Variants in SLC4A4 observed in about 807,000 individuals in gnomAD.
The protein encoded by SLC4A4 is solute carrier family 4 member 4.
SLC4A4 carries 27 observed loss-of-function variants against 111.5 expected under a neutral mutation model. That is an observed-to-expected ratio of 0.24 (90% CI 0.18 to 0.33). The LOEUF is 0.33. Among genes scored for constraint, SLC4A4 ranks in the 10% least tolerant of loss-of-function variants. SLC4A4 has a pLI of 1.00. For missense variants in SLC4A4, 909 were observed against 1,315.5 expected (o/e 0.69, Z 4.78); for synonymous variants, 443 against 463.4 (o/e 0.96, Z 0.57).
At chr4:71,400,448 C>G (rs904570547) in intron 7 of SLC4A4, among the ~76,000 whole-genome samples, 4 of 151,998 alleles carry the variant, frequency 2.6e-5, no homozygotes, top group African/African-American at 7.2e-5. Flanking sequence ...TTAGATGAAG[C>G]GAGGAAAATT....
intron 1 of SLC4A4, among the ~76,000 whole-genome samples, chr4:71,091,809 C>G (rs6829135): frequency 0.23 from 34,629 of 152,024 alleles, 3,968 homozygotes; most frequent in South Asian, 0.24. Flanking sequence ...TGCATGTATT[C>G]TGCAAAGCCG....
upstream of SLC4A4, among the ~76,000 whole-genome samples, chr4:71,184,719 T>C (rs1745397521): frequency 6.6e-6 from 1 of 152,050 alleles, no homozygotes; most frequent in African/African-American, 2.4e-5. Context: ...TTAGGAGAGG[T>C]GAACAAAAAT....
intron 3 of SLC4A4, among the ~76,000 whole-genome samples, chr4:71,273,734 T>A (rs867495036): frequency 2.6e-5 from 4 of 151,804 alleles, no homozygotes; most frequent in Admixed American, 6.6e-5. Flanking sequence ...AAAGCATAGA[T>A]AAGTAGTTGA....
At chr4:71,177,662 C>G (rs542381916) in intron 2 of SLC4A4, among the ~76,000 whole-genome samples, 1 of 152,274 alleles carries the variant, frequency 6.6e-6, no homozygotes, top group African/African-American at 2.4e-5. Context: ...AATACAGGAG[C>G]ACCCAGATTC....
intron 2 of SLC4A4, among the ~76,000 whole-genome samples, chr4:71,135,497 T>C (rs1743820684): frequency 6.6e-6 from 1 of 152,098 alleles, no homozygotes; most frequent in Non-Finnish European, 1.5e-5. Flanking sequence ...GATTTTACCA[T>C]GTTGGCCAGG....
chr4:71,568,037 A>G lies in SLC4A4; in HGVS notation c.*286A>G, dbSNP rs531414310. The stretch of plus-strand genomic sequence containing the variant: ...AGCGCTCTCTCTGCTTCTCTCTTGC[A>G]TAGACACAATCAAGACAATAGTGCA... On this transcript the variant is annotated 3_prime_UTR_variant, in exon 26 of 26. Coordinates refer to ENST00000264485, the MANE Select transcript of SLC4A4 (RefSeq NM_001098484.3). 1.3e-4 allele frequency: 78 copies of G among 619,772 alleles called. 1 individual carries two copies. The South Asian group carries it at 1.4e-3, about 11-fold the overall frequency. The allele number at this position is 619,772 out of a possible 1,614,324, so 38.4% of individuals were successfully genotyped here.
At chr4:71,341,195 G>A (rs1728875801) in intron 4 of SLC4A4, among the ~76,000 whole-genome samples, 1 of 152,068 alleles carries the variant, frequency 6.6e-6, no homozygotes, top group Admixed American at 6.5e-5. Context: ...CACTGTTTTA[G>A]GTACCATGAA....
chr4:71,097,907 T>A (rs1742605305), intron 2 of SLC4A4, among the ~76,000 whole-genome samples: 1 of 152,312 alleles, frequency 6.6e-6, no homozygotes, highest in Middle Eastern at 3.4e-3. Flanking sequence ...TTCTTGTAGA[T>A]GCTGGATATT....
chr4:71,212,274 C>A (rs1054077390), intron 1 of SLC4A4, among the ~76,000 whole-genome samples: 1 of 152,274 alleles, frequency 6.6e-6, no homozygotes, highest in Non-Finnish European at 1.5e-5. Flanking sequence ...ATGGGCTGTT[C>A]ACTGAGCTTA....
At chr4:71,440,854 G>T in intron 8 of SLC4A4, 81 bp downstream of exon 8, 1 of 1,488,448 alleles carries the variant, frequency 6.7e-7, no homozygotes. Context: ...TCAATAGAAT[G>T]AGGAAATATT....
chr4:71,196,729 G>A (rs1012585566), intron 1 of SLC4A4, among the ~76,000 whole-genome samples: 1 of 150,366 alleles, frequency 6.7e-6, no homozygotes, highest in African/African-American at 2.4e-5. Context: ...AGCTACTTGG[G>A]AGGCTGAGGC....
chr4:71,343,371 T>C (rs1489665480), intron 4 of SLC4A4, among the ~76,000 whole-genome samples: 3 of 152,216 alleles, frequency 2.0e-5, no homozygotes, highest in Non-Finnish European at 4.4e-5. Context: ...CATTAATATA[T>C]TGATGATATC....
chr4:71,236,190 G>A, intron 1 of SLC4A4: 2 of 1,055,604 alleles, frequency 1.9e-6, no homozygotes, highest in Non-Finnish European at 2.3e-6. Flanking sequence ...TTCCACAAAC[G>A]ATCATCACGA....
chr4:71,409,047 C>T (rs1317998436), intron 7 of SLC4A4, among the ~76,000 whole-genome samples: 11 of 152,218 alleles, frequency 7.2e-5, no homozygotes, highest in Admixed American at 7.2e-4. Flanking sequence ...TAAGAAGTGC[C>T]TTTCACCTCC....
intron 8 of SLC4A4, among the ~76,000 whole-genome samples, chr4:71,443,112 CTCTCTATATATATATATATA>C (rs1422937161): frequency 1.3e-4 from 13 of 97,672 alleles, no homozygotes; most frequent in African/African-American, 5.8e-4. Context: ...CTCTCTCTCT[CTCTCTATATATATATATATA>C]TATATATATA....
chr4:71,449,989 T>A (rs890145296), intron 9 of SLC4A4, among the ~76,000 whole-genome samples: 2 of 152,210 alleles, frequency 1.3e-5, no homozygotes, highest in Non-Finnish European at 2.9e-5. Context: ...AACTTTTCCT[T>A]CTTGAGTTAT....
chr4:71,280,151 G>A (rs555526055), intron 3 of SLC4A4, among the ~76,000 whole-genome samples: 12 of 152,242 alleles, frequency 7.9e-5, no homozygotes, highest in African/African-American at 2.6e-4. Flanking sequence ...GTCTTATATT[G>A]CATTTCCCTG....
chr4:71,106,920 T>TATA (rs1742943837), intron 2 of SLC4A4, among the ~76,000 whole-genome samples: 1 of 146,304 alleles, frequency 6.8e-6, no homozygotes, highest in South Asian at 2.2e-4. Flanking sequence ...ACTTAAAGTA[T>TATA]AATAAAAATA....
chr4:71,124,461 T>C (rs1743512667), intron 2 of SLC4A4, among the ~76,000 whole-genome samples: 1 of 152,004 alleles, frequency 6.6e-6, no homozygotes, highest in Admixed American at 6.6e-5. Flanking sequence ...TGAGCCACCG[T>C]GCCCAGCCAC....
Sources: gnomAD v4.1 joint callset for allele counts (sites outside exome capture counted in the v4.1 genomes callset) on GRCh38, gnomAD v4.1.1 for gene constraint, MANE v1.5 for transcripts, NCBI Gene and HGNC (gene_info 2026-07-23, HGNC 2026-07-21) for gene names.